GALNT7: variants seen among roughly 807,000 people sequenced by gnomAD.
GALNT7 encodes polypeptide N-acetylgalactosaminyltransferase 7.
Under a neutral mutation model 82.1 loss-of-function variants are expected in GALNT7, and 60 were observed. The observed-to-expected ratio is 0.73, with a 90% CI of 0.59 to 0.91. GALNT7 has a LOEUF of 0.91. Among genes scored for constraint, GALNT7 ranks in the 40% least tolerant of loss-of-function variants. GALNT7 has a pLI of 0.00. For missense variants in GALNT7, 660 were observed against 804.2 expected (o/e 0.82, Z 2.17); for synonymous variants, 243 against 275.1 (o/e 0.88, Z 1.15).
chr4:173,178,583 G>T (rs1009450798), intron 1 of GALNT7, among the ~76,000 whole-genome samples: 1 of 152,158 alleles, frequency 6.6e-6, no homozygotes, highest in Non-Finnish European at 1.5e-5. Flanking sequence ...GGGCTTCCCA[G>T]CCTTGGAAGC....
chr4:173,195,992 C>A (rs1247099245), intron 1 of GALNT7, among the ~76,000 whole-genome samples: 1 of 152,142 alleles, frequency 6.6e-6, no homozygotes, highest in African/African-American at 2.4e-5. Flanking sequence ...ACTTTACTTG[C>A]TTTCAGATGT....
At chr4:173,206,204 G>A (rs1292171867) in intron 1 of GALNT7, among the ~76,000 whole-genome samples, 4 of 152,168 alleles carry the variant, frequency 2.6e-5, no homozygotes, top group Non-Finnish European at 4.4e-5. Context: ...AAAGTCTAGT[G>A]CTTATTTCTC....
chr4:173,249,554 G>A (rs1355835851), intron 2 of GALNT7, among the ~76,000 whole-genome samples: 1 of 152,182 alleles, frequency 6.6e-6, no homozygotes, highest in Non-Finnish European at 1.5e-5. Context: ...CCAGGGCTGT[G>A]AAGGAAGAAT....
intron 1 of GALNT7, among the ~76,000 whole-genome samples, chr4:173,194,878 G>T (rs1004403698): frequency 3.5e-4 from 54 of 152,184 alleles, no homozygotes; most frequent in African/African-American, 1.2e-3. Flanking sequence ...GTAGCATTCA[G>T]ACTGAATCCT....
intron 2 of GALNT7, among the ~76,000 whole-genome samples, chr4:173,267,160 T>C (rs529435471): frequency 6.6e-6 from 1 of 152,286 alleles, no homozygotes; most frequent in South Asian, 2.1e-4. Flanking sequence ...CATTACCCAT[T>C]ATATGCATGT....
intron 9 of GALNT7, among the ~76,000 whole-genome samples, chr4:173,315,172 G>A (rs1200909685): frequency 2.6e-5 from 4 of 152,156 alleles, no homozygotes; most frequent in African/African-American, 9.7e-5. Flanking sequence ...GAGATGAAGG[G>A]AAGCTGACCA....
At chr4:173,252,319 G>A (rs2126747043) in intron 2 of GALNT7, among the ~76,000 whole-genome samples, 1 of 152,266 alleles carries the variant, frequency 6.6e-6, no homozygotes, top group South Asian at 2.1e-4. Context: ...CAGAACACAG[G>A]CCCTAACAGC....
chr4:173,195,800 C>A (rs1413818761), intron 1 of GALNT7, among the ~76,000 whole-genome samples: 1 of 152,170 alleles, frequency 6.6e-6, no homozygotes. Flanking sequence ...TTAGTTAAGA[C>A]AGTAGATCTG....
At chr4:173,223,698 A>G (rs961202108) in intron 1 of GALNT7, among the ~76,000 whole-genome samples, 9 of 152,090 alleles carry the variant, frequency 5.9e-5, no homozygotes, top group African/African-American at 1.9e-4. Flanking sequence ...TTTTCTTCCC[A>G]TATACAAAAA....
chr4:173,215,016 T>G (rs1298209211), intron 1 of GALNT7, among the ~76,000 whole-genome samples: 4 of 152,180 alleles, frequency 2.6e-5, no homozygotes, highest in Non-Finnish European at 5.9e-5. Context: ...CATTCCTTTC[T>G]GTAATCCTAT....
At chr4:173,224,441 A>C (rs1733739090) in intron 1 of GALNT7, among the ~76,000 whole-genome samples, 1 of 152,182 alleles carries the variant, frequency 6.6e-6, no homozygotes, top group East Asian at 1.9e-4. Context: ...TCAAGCTCTA[A>C]GTGTTAGGCA....
chr4:173,272,836 G>A (rs184441993), intron 2 of GALNT7, among the ~76,000 whole-genome samples: 5 of 152,254 alleles, frequency 3.3e-5, no homozygotes, highest in African/African-American at 1.2e-4. Flanking sequence ...TCTGTTCTGT[G>A]AGTTAATAAA....
intron 1 of GALNT7, among the ~76,000 whole-genome samples, chr4:173,207,101 G>A (rs1733124316): frequency 6.6e-6 from 1 of 152,042 alleles, no homozygotes; most frequent in Non-Finnish European, 1.5e-5. Flanking sequence ...GTGTGTCTAA[G>A]GTGTGATAAT....
At chr4:173,298,629 C>A (rs1255420076) in intron 6 of GALNT7, among the ~76,000 whole-genome samples, 1 of 152,186 alleles carries the variant, frequency 6.6e-6, no homozygotes, top group African/African-American at 2.4e-5. Flanking sequence ...AAATTTTATT[C>A]TTTTGATGAC....
intron 1 of GALNT7, among the ~76,000 whole-genome samples, chr4:173,230,748 A>G (rs1032489696): frequency 3.3e-5 from 5 of 152,064 alleles, no homozygotes; most frequent in African/African-American, 4.8e-5. Flanking sequence ...CCTTTCTCTC[A>G]CTGATACCTC....
At chr4:173,278,824 G>A (rs1004699795) in intron 2 of GALNT7, among the ~76,000 whole-genome samples, 1 of 152,160 alleles carries the variant, frequency 6.6e-6, no homozygotes, top group African/African-American at 2.4e-5. Flanking sequence ...TCCTTTTTGG[G>A]AAAGATGTTG....
intron 1 of GALNT7, among the ~76,000 whole-genome samples, chr4:173,170,410 C>T (rs1731821972): frequency 6.6e-6 from 1 of 152,158 alleles, no homozygotes; most frequent in African/African-American, 2.4e-5. Flanking sequence ...GAGTAAGAAT[C>T]CTAGGAGGAG....
intron 2 of GALNT7, among the ~76,000 whole-genome samples, chr4:173,266,917 G>T (rs1275552499): frequency 6.7e-6 from 1 of 148,790 alleles, no homozygotes; most frequent in African/African-American, 2.5e-5. Flanking sequence ...GTGTGTGTGT[G>T]TGTGTGTGTG....
At chr4:173,296,766 T>A (rs1736731190) in intron 5 of GALNT7, among the ~76,000 whole-genome samples, 1 of 152,206 alleles carries the variant, frequency 6.6e-6, no homozygotes, top group Non-Finnish European at 1.5e-5. Context: ...GTCAGGTAAC[T>A]TTCTCTAGGT....
Sources: gnomAD v4.1 joint callset for allele counts (sites outside exome capture counted in the v4.1 genomes callset) on GRCh38, gnomAD v4.1.1 for gene constraint, MANE v1.5 for transcripts, NCBI Gene and HGNC (gene_info 2026-07-23, HGNC 2026-07-21) for gene names.